The following CDKL5 variants were observed in gnomAD, a reference collection of about 807,000 sequenced individuals.
CDKL5 encodes cyclin-dependent kinase-like 5.
In CDKL5, 8 loss-of-function variants were observed where a neutral mutation model predicts 61.7. The ratio of observed to expected loss-of-function variants is 0.13; its 90% CI spans 0.08 to 0.23. The LOEUF (loss-of-function observed/expected upper bound fraction) is 0.23. Among genes scored for constraint, CDKL5 ranks in the 10% least tolerant of loss-of-function variants. CDKL5 has a pLI of 1.00. For synonymous variants in CDKL5, 275 were observed against 272.3 expected, an observed-to-expected ratio of 1.01 and a Z score of -0.10; for missense variants, 440 against 734.5, an observed-to-expected ratio of 0.60 and a Z score of 4.63.
At chrX:18,531,430 C>CA (rs1748466500) in intron 3 of CDKL5, among the ~76,000 whole-genome samples, 1 of 112,026 alleles carries the variant, frequency 8.9e-6, no homozygotes, top group Admixed American at 9.4e-5. Flanking sequence ...GGTAAAACTG[C>CA]AAGAACTTAG....
intron 1 of CDKL5, among the ~76,000 whole-genome samples, chrX:18,489,588 GTCTTTAGGTAAACT>G (rs1921917913): frequency 9.0e-6 from 1 of 110,930 alleles, no homozygotes; most frequent in Non-Finnish European, 1.9e-5. Flanking sequence ...TTGATTCCAG[GTCTTTAGGTAAACT>G]CAACCAATTG....
chrX:18,547,649 CT>C (rs756588259), intron 3 of CDKL5, among the ~76,000 whole-genome samples: 290 of 111,835 alleles, frequency 2.6e-3, no homozygotes, highest in Non-Finnish European at 4.0e-3. Flanking sequence ...TCTCTTCCTC[CT>C]TTTGCTTTAG....
At chrX:18,486,894 C>T (rs1367451635) in intron 1 of CDKL5, among the ~76,000 whole-genome samples, 2 of 110,922 alleles carry the variant, frequency 1.8e-5, no homozygotes, top group African/African-American at 6.5e-5. Flanking sequence ...TCCTTATTCA[C>T]TACTTTATTC....
At chrX:18,434,548 A>G (rs1229099797) in intron 1 of CDKL5, among the ~76,000 whole-genome samples, 1 of 112,335 alleles carries the variant, frequency 8.9e-6, no homozygotes, top group African/African-American at 3.2e-5. Context: ...AAATTAACAA[A>G]ACATATATAA....
chrX:18,524,386 GT>G (rs1414420802), intron 3 of CDKL5, among the ~76,000 whole-genome samples: 1 of 112,063 alleles, frequency 8.9e-6, no homozygotes. Context: ...GTAGTTGTGA[GT>G]TTTTGAATAC....
At chrX:18,443,150 T>G (rs1455172590) in intron 1 of CDKL5, among the ~76,000 whole-genome samples, 1 of 111,992 alleles carries the variant, frequency 8.9e-6, no homozygotes, top group Non-Finnish European at 1.9e-5. Context: ...TTGGTTCAGT[T>G]TCTTCCTTCT....
rs186503041 is a variant in CDKL5 at position 18,436,067 on chromosome X, A to G, written c.-163+10372A>G. On this transcript the variant is annotated intron_variant, in intron 1 of 17. Transcript: ENST00000623535. Reference sequence around the variant, plus strand: ...GGTAATATAAATAGTCAATTAACACATTGTTTTGTATGTTATATGTATTAT... The same window carrying G: ...GGTAATATAAATAGTCAATTAACACGTTGTTTTGTATGTTATATGTATTAT... Among the ~76,000 whole-genome samples, 4 of 112,012 alleles carry G rather than the reference A, an allele frequency of 3.6e-5. No homozygotes were observed. In the East Asian group the frequency reaches 8.4e-4, roughly 23 times the overall value.
chrX:18,485,166 C>T (rs980361769), intron 1 of CDKL5, among the ~76,000 whole-genome samples: 4 of 109,078 alleles, frequency 3.7e-5, no homozygotes, highest in African/African-American at 1.3e-4. Context: ...GAAATTTTAG[C>T]ATCATTTTAG....
chrX:18,525,389 G>A (rs780272792), intron 3 of CDKL5, among the ~76,000 whole-genome samples: 4 of 111,708 alleles, frequency 3.6e-5, no homozygotes, highest in Admixed American at 9.5e-5. Flanking sequence ...GTGAGCCACC[G>A]CGCCCAGCCT....
intron 1 of CDKL5, among the ~76,000 whole-genome samples, chrX:18,498,848 C>T (rs940151000): frequency 9.0e-6 from 1 of 111,473 alleles, no homozygotes; most frequent in Non-Finnish European, 1.9e-5. Context: ...TGCAGTGGCG[C>T]CATTTGGCTC....
chrX:18,476,989 C>G, intron 1 of CDKL5, among the ~76,000 whole-genome samples: 1 of 110,530 alleles, frequency 9.0e-6, no homozygotes, highest in Non-Finnish European at 1.9e-5. Context: ...AGGATGGTTT[C>G]GATCTCTTGA....
At chrX:18,454,317 A>G (rs1367442926) in intron 1 of CDKL5, among the ~76,000 whole-genome samples, 1 of 106,462 alleles carries the variant, frequency 9.4e-6, no homozygotes, top group Non-Finnish European at 1.9e-5. Context: ...GCTCACTGCA[A>G]CCTCCGCTTC....
chrX:18,507,721 G>T (rs954110576), intron 2 of CDKL5, among the ~76,000 whole-genome samples: 13 of 110,865 alleles, frequency 1.2e-4, no homozygotes, highest in African/African-American at 4.3e-4. Flanking sequence ...GAGCCACTGT[G>T]CCCAGCTAAT....
At chrX:18,607,254 G>A (rs1667984888) in intron 12 of CDKL5, among the ~76,000 whole-genome samples, 1 of 111,500 alleles carries the variant, frequency 9.0e-6, no homozygotes, top group Non-Finnish European at 1.9e-5. Flanking sequence ...GAGAAAGCAA[G>A]AGGTGCCCAT....
intron 1 of CDKL5, among the ~76,000 whole-genome samples, chrX:18,497,974 A>G (rs1433862240): frequency 9.4e-6 from 1 of 105,920 alleles, no homozygotes; most frequent in Non-Finnish European, 1.9e-5. Context: ...TTCGCCACCA[A>G]CGCCCAGCTA....
chrX:18,469,482 C>T (rs2147653980), intron 1 of CDKL5, among the ~76,000 whole-genome samples: 1 of 107,225 alleles, frequency 9.3e-6, no homozygotes, highest in East Asian at 3.0e-4. Flanking sequence ...AACCCCATCT[C>T]TACTAAAAAT....
At chrX:18,435,883 C>A (rs1931598801) in intron 1 of CDKL5, among the ~76,000 whole-genome samples, 1 of 111,075 alleles carries the variant, frequency 9.0e-6, no homozygotes, top group South Asian at 3.8e-4. Flanking sequence ...GAGATGGAGG[C>A]AGAGGAGAAC....
chrX:18,598,207 C>CTGTGTA (rs2147155853), intron 10 of CDKL5, among the ~76,000 whole-genome samples: 1 of 110,639 alleles, frequency 9.0e-6, no homozygotes, highest in East Asian at 2.8e-4. Flanking sequence ...GGATACAAAA[C>CTGTGTA]TGTGTATATT....
At position 18,634,288 on chromosome X, in the gene CDKL5, T is replaced by A. The variant is rs1054746854; in HGVS notation, c.*5531T>A. 7.0e-5 allele frequency: 53 copies of A among 752,223 alleles called. No homozygotes were observed. The highest frequency in any genetic ancestry group is 8.1e-5 in the Non-Finnish European group (52 of 638,987). 62.0% of individuals were successfully genotyped at this position (752,223 alleles called of 1,213,427 possible). A position where few individuals can be genotyped will look rare whatever the true frequency, so the allele number is the denominator to read the frequency against. On this transcript the variant is annotated 3_prime_UTR_variant, in exon 18 of 18. Coordinates refer to ENST00000623535, the MANE Select transcript of CDKL5 (RefSeq NM_001323289.2). Reference sequence around the variant, plus strand: ...ACTTCCTTTGGTTGGGGATTTTACTTTCCCAAAAGTCTGATCTGATTTCTT... The same window carrying A: ...ACTTCCTTTGGTTGGGGATTTTACTATCCCAAAAGTCTGATCTGATTTCTT...
Sources: allele counts gnomAD v4.1 joint callset (sites outside exome capture counted in the v4.1 genomes callset), GRCh38; gene constraint gnomAD v4.1.1; transcripts MANE v1.5; gene names NCBI Gene and HGNC (gene_info 2026-07-23, HGNC 2026-07-21).